MXI1: variants seen among roughly 807,000 people sequenced by gnomAD.
MXI1 encodes the protein max-interacting protein 1.
Under a neutral mutation model 36.9 loss-of-function variants are expected in MXI1, and 18 were observed. That is an observed-to-expected ratio of 0.49 (90% CI 0.34 to 0.72). The LOEUF is 0.72. Among genes scored for constraint, MXI1 ranks in the 30% least tolerant of loss-of-function variants. The pLI is 0.01. For missense variants in MXI1, 304 were observed against 379.1 expected (o/e 0.80, Z 1.64); for synonymous variants, 160 against 146.7 (o/e 1.09, Z -0.65).
intron 3 of MXI1, among the ~76,000 whole-genome samples, chr10:110,269,032 A>G (rs947463211): frequency 6.6e-6 from 1 of 152,188 alleles, no homozygotes; most frequent in Non-Finnish European, 1.5e-5. Context: ...CCTCCTCACC[A>G]AAAAACAAAC....
At chr10:110,227,606 C>A in intron 1 of MXI1, 2 of 949,038 alleles carry the variant, frequency 2.1e-6, no homozygotes, top group Non-Finnish European at 1.3e-6. Context: ...AGGGACGAGG[C>A]CGGGAGAACA....
At chr10:110,225,364 T>TA in intron 1 of MXI1, among the ~76,000 whole-genome samples, 1 of 152,170 alleles carries the variant, frequency 6.6e-6, no homozygotes, top group Non-Finnish European at 1.5e-5. Context: ...GAGAAAGTTT[T>TA]AAAAAGTAAG....
chr10:110,246,843 G>T (rs1222467569), intron 3 of MXI1, among the ~76,000 whole-genome samples: 3 of 152,094 alleles, frequency 2.0e-5, no homozygotes, highest in African/African-American at 7.2e-5. Context: ...GATCTGGATG[G>T]ATAAAGGAAG....
intron 1 of MXI1, chr10:110,227,528 C>T: frequency 1.0e-6 from 1 of 984,018 alleles, no homozygotes; most frequent in Non-Finnish European, 1.2e-6. Flanking sequence ...TTGGAGGGCC[C>T]CGGAGCGGGA....
intron 1 of MXI1, among the ~76,000 whole-genome samples, chr10:110,215,273 C>T (rs1013839605): frequency 6.6e-6 from 1 of 152,128 alleles, no homozygotes; most frequent in African/African-American, 2.4e-5. Flanking sequence ...AACTCCTGAC[C>T]TTGTGATCTG....
intron 3 of MXI1, among the ~76,000 whole-genome samples, chr10:110,264,093 G>A (rs1856606778): frequency 6.6e-6 from 1 of 151,974 alleles, no homozygotes; most frequent in South Asian, 2.1e-4. Context: ...GTGTGTGTGT[G>A]TATGAGAGAG....
intron 1 of MXI1, chr10:110,226,071 GC>G: frequency 1.0e-6 from 1 of 1,000,472 alleles, no homozygotes; most frequent in Non-Finnish European, 1.2e-6. Flanking sequence ...GCGGCGGAGA[GC>G]GCGCCGAGCC....
intron 3 of MXI1, among the ~76,000 whole-genome samples, chr10:110,277,065 C>G (rs535199845): frequency 6.6e-6 from 1 of 152,044 alleles, no homozygotes; most frequent in Non-Finnish European, 1.5e-5. Flanking sequence ...AGGCTGGTCT[C>G]GAACTCTTGG....
intron 2 of MXI1, among the ~76,000 whole-genome samples, chr10:110,237,578 C>G (rs1288185776): frequency 6.6e-6 from 1 of 152,112 alleles, no homozygotes; most frequent in Admixed American, 6.5e-5. Context: ...CTGATACTAA[C>G]AACACAGAGC....
In MXI1 at chr10:110,255,847, G is replaced by A. The variant is rs1010189704; in HGVS notation, c.437+10990G>A. Among the ~76,000 whole-genome samples, 5 of 151,996 alleles carry A rather than the reference G, an allele frequency of 3.3e-5. No individual in the cohort carries two copies. In the South Asian group the frequency reaches 1.0e-3, roughly 32 times the overall value. ...AATATAATTCATGTGAAAATGCAAGGTACCCAGAATAACCAAAACAATCTT... is the reference window on the plus strand; with the variant it reads ...AATATAATTCATGTGAAAATGCAAGATACCCAGAATAACCAAAACAATCTT... On this transcript the variant is annotated intron_variant, in intron 3 of 5. Transcript: ENST00000332674.
At chr10:110,209,172 T>C (rs1490825980) in intron 1 of MXI1, among the ~76,000 whole-genome samples, 1 of 152,166 alleles carries the variant, frequency 6.6e-6, no homozygotes, top group East Asian at 1.9e-4. Flanking sequence ...GGCACGCGTG[T>C]GCAGCGTATC....
In MXI1 at chr10:110,236,133, T is replaced by G. The variant is rs1326012107; in HGVS notation, c.407+7812T>G. On this transcript the variant is annotated intron_variant, in intron 2 of 5. Transcript: ENST00000332674. ...AGTAAAGGTTGAAGTTCTTTTTTTT[T>G]TTTTTTTTTTTTTTTTTTTTTTTTT... Among the ~76,000 whole-genome samples the G allele has an allele frequency of 1.6e-4, 14 of 87,360 alleles. No individual in the cohort carries two copies. The East Asian group carries it at 2.5e-3, about 16-fold the overall frequency. The allele number at this position is 87,360 out of a possible 152,430, so 57.3% of individuals were successfully genotyped here. A position where few individuals can be genotyped will look rare whatever the true frequency, so the allele number is the denominator to read the frequency against.
intron 1 of MXI1, among the ~76,000 whole-genome samples, chr10:110,216,665 G>GTTTTTTTTTTTTGTTTTTTT (rs1854646290): frequency 1.3e-5 from 1 of 79,060 alleles, no homozygotes; most frequent in Non-Finnish European, 2.0e-5. Context: ...TGTGTTTAAT[G>GTTTTTTTTTTTTGTTTTTTT]TTTTTTTTTT....
chr10:110,269,152 C>T (rs1160631650), intron 3 of MXI1, among the ~76,000 whole-genome samples: 2 of 152,314 alleles, frequency 1.3e-5, no homozygotes, highest in East Asian at 1.9e-4. Flanking sequence ...TTGCCATCTG[C>T]CAGTAGTAAG....
chr10:110,224,010 AAAGAAAACAAAAGGTATGAGGGAAAGGT>A (rs1166319202), intron 1 of MXI1, among the ~76,000 whole-genome samples: 6 of 152,154 alleles, frequency 3.9e-5, no homozygotes, highest in Non-Finnish European at 5.9e-5. Flanking sequence ...AGAAAAGAAA[AAAGAAAACAAAAGGTATGAGGGAAAGGT>A]AAGAAAACAA....
intron 5 of MXI1, among the ~76,000 whole-genome samples, chr10:110,282,513 A>C (rs1195221479): frequency 6.6e-6 from 1 of 152,208 alleles, no homozygotes; most frequent in East Asian, 1.9e-4. Context: ...TTGGTGTCCC[A>C]GTCTTTCCTC....
intron 1 of MXI1, among the ~76,000 whole-genome samples, chr10:110,213,380 ACT>A (rs1854555051): frequency 6.6e-6 from 1 of 151,792 alleles, no homozygotes; most frequent in Non-Finnish European, 1.5e-5. Flanking sequence ...CTTTCTGAAA[ACT>A]CTGTAGGTTG....
intron 3 of MXI1, among the ~76,000 whole-genome samples, chr10:110,253,981 G>A (rs1464351982): frequency 5.9e-5 from 9 of 151,790 alleles, no homozygotes; most frequent in Non-Finnish European, 1.3e-4. Flanking sequence ...TTGTACTGGA[G>A]CTTCTACCCA....
intron 3 of MXI1, chr10:110,257,768 C>A: frequency 3.4e-6 from 1 of 297,122 alleles, no homozygotes; most frequent in South Asian, 4.2e-5. Flanking sequence ...CTGCTCTATC[C>A]AGAGACGCGT....
Sources: gnomAD v4.1 joint callset for allele counts (sites outside exome capture counted in the v4.1 genomes callset) on GRCh38, gnomAD v4.1.1 for gene constraint, MANE v1.5 for transcripts, NCBI Gene and HGNC (gene_info 2026-07-23, HGNC 2026-07-21) for gene names.